The following CAPN15 variants were observed in gnomAD, a reference collection of about 807,000 sequenced individuals.
CAPN15 encodes calpain 15.
Under a neutral mutation model 97.9 loss-of-function variants are expected in CAPN15, and 53 were observed. That is an observed-to-expected ratio of 0.54 (90% CI 0.43 to 0.68). CAPN15 has a LOEUF of 0.68. Among genes scored for constraint, CAPN15 ranks in the 30% least tolerant of loss-of-function variants. The pLI is 0.00. For synonymous variants in CAPN15, 922 were observed against 722.5 expected (o/e 1.28, Z -4.43); for missense variants, 1,592 against 1,589.8 (o/e 1.00, Z -0.02).
Position 552,157 on chromosome 16 carries a change from C to T in CAPN15, c.2452C>T (p.Leu818Phe), listed in dbSNP as rs1305049372. The T allele has an allele frequency of 1.4e-5, 22 of 1,546,516 alleles. No homozygotes were observed. Among genetic ancestry groups the T allele is most frequent in the Non-Finnish European group, 1.8e-5 (21 of 1,145,580 alleles). ...CAGCGCGCCCGTGGGGGTAACAGCG[C>T]TCACGGTGCTGGAGCGGGCCTCGCT... ...SASAPVGVTA[L>F]TVLERASLEF... The change falls in exon 10 of 14, where the codon CTC (leucine) becomes TTC (phenylalanine). Residue 818 changes from leucine to phenylalanine, a missense_variant. Leu to Phe is a conservative substitution (Grantham distance 22, BLOSUM62 0). Around this residue, in one of 3 missense-constraint regions of CAPN15, gnomAD observed 644 missense variants for 699.6 expected, o/e 0.92. Transcript: ENST00000219611. This position sits in a 1 kb window ranked among gnomAD's most constrained non-coding sequence, Gnocchi z 6.4.
rs372459212 is a variant in CAPN15 at position 532,235 on chromosome 16, G to A, written c.-189-1711G>A. On this transcript the variant is annotated intron_variant, in intron 1 of 13. Coordinates refer to ENST00000219611, the MANE Select transcript of CAPN15 (RefSeq NM_005632.3). Reference sequence around the variant, plus strand: ...AGCCTAGGCGACAGAGCTATACTCCGTCTCAAAAAAAAAAAAAAGAAAAAA... The same window carrying A: ...AGCCTAGGCGACAGAGCTATACTCCATCTCAAAAAAAAAAAAAAGAAAAAA... Among the ~76,000 whole-genome samples, 60 of 143,696 alleles carry A rather than the reference G, an allele frequency of 4.2e-4. No homozygotes were observed. The East Asian group carries it at 8.5e-3, about 20-fold the overall frequency. 94.3% of individuals were successfully genotyped at this position (143,696 alleles called of 152,430 possible). A position where few individuals can be genotyped will look rare whatever the true frequency, so the allele number is the denominator to read the frequency against.
Position 535,645 on chromosome 16 carries a change from A to G in CAPN15, c.-136-384A>G, listed in dbSNP as rs1054945323. ...ATCCACACAGCCCGGGGCCCTCCGCACCCTGCCCCTCCAGGGAGCCCAGAG... is the reference window on the plus strand; with the variant it reads ...ATCCACACAGCCCGGGGCCCTCCGCGCCCTGCCCCTCCAGGGAGCCCAGAG... On this transcript the variant is annotated intron_variant, in intron 2 of 13. Transcript: ENST00000219611. This position sits in a 1 kb window ranked among gnomAD's most constrained non-coding sequence, Gnocchi z 6.2. Among the ~76,000 whole-genome samples the G allele has an allele frequency of 3.3e-5, 5 of 151,930 alleles. No homozygotes were observed. Among genetic ancestry groups the G allele is most frequent in the African/African-American group, 9.7e-5 (4 of 41,350 alleles).
intron 9 of CAPN15, 54 bp from the exon 10 acceptor site, chr16:551,997 C>A: frequency 6.6e-7 from 1 of 1,523,848 alleles, no homozygotes; most frequent in Non-Finnish European, 8.9e-7. Context: ...GGCGCTGAGC[C>A]ACGGAGGTGT....
intron 7 of CAPN15, among the ~76,000 whole-genome samples, chr16:551,088 G>GCCCCAGTCGGTGAGGGT (rs2035024001): frequency 2.4e-5 from 3 of 127,230 alleles, no homozygotes; most frequent in East Asian, 4.6e-4. Flanking sequence ...GTCGGTGAGG[G>GCCCCAGTCGGTGAGGGT]CCCCGGTCGG....
Position 547,837 on chromosome 16 carries a change from C to T in CAPN15, c.999C>T (p.Pro333=), listed in dbSNP as rs531692482. 71 of 1,610,974 alleles carry T rather than the reference C, an allele frequency of 4.4e-5. No individual in the cohort carries two copies. The East Asian group carries it at 5.1e-4, about 12-fold the overall frequency. The change falls in exon 4 of 14, where the codon CCC becomes CCT. Residue 333 remains proline, a synonymous_variant. Transcript: ENST00000219611. ...CCGGAGACACCGTGCGTTACACGCCCGCCAGCCCCTCCAGCCCCGACTTCA... is the reference window on the plus strand; with the variant it reads ...CCGGAGACACCGTGCGTTACACGCCTGCCAGCCCCTCCAGCCCCGACTTCA... ...DLAGDTVRYT[P]ASPSSPDFTT... is the part of the protein sequence containing the mutation.
chr16:546,385 C>G (rs932951393), intron 3 of CAPN15, among the ~76,000 whole-genome samples: 2 of 152,232 alleles, frequency 1.3e-5, no homozygotes, highest in Non-Finnish European at 2.9e-5. Context: ...TCAGATCAGC[C>G]TGTGCCTTCC....
intron 3 of CAPN15, chr16:539,307 C>T (rs2033947181): frequency 6.6e-6 from 1 of 152,312 alleles, no homozygotes; most frequent in South Asian, 2.1e-4. Flanking sequence ...GCCGGGACGC[C>T]ATCTTGGCCC....
chr16:536,172 G>A (rs1243685095), intron 3 of CAPN15, 30 bp downstream of exon 3: 2 of 691,730 alleles, frequency 2.9e-6, no homozygotes, highest in South Asian at 6.3e-5. Context: ...GCCTCTGGCT[G>A]GCCGCAGCAG....
intron 3 of CAPN15, chr16:539,468 G>A (rs2033959715): frequency 6.6e-6 from 1 of 152,302 alleles, no homozygotes; most frequent in African/African-American, 2.4e-5. Context: ...AGAAGCACAG[G>A]TGGGCCGCGT....
rs778650503 is a variant in CAPN15, at chr16:547,647, G to T, written c.809G>T (p.Gly270Val). The T allele has an allele frequency of 6.4e-7, 1 of 1,570,396 alleles. No homozygotes were observed. The highest frequency in any genetic ancestry group is 2.3e-5 in the East Asian group (1 of 44,060). ...GCTGCCCAGCCGTCACCCTCTGCCGGCTGCAGGGGAGCCCCCCAGGGCTCG... is the reference window on the plus strand; with the variant it reads ...GCTGCCCAGCCGTCACCCTCTGCCGTCTGCAGGGGAGCCCCCCAGGGCTCG... Reference protein sequence around the residue: ...PEAAQPSPSAGCRGAPQGSGW... With the variant: ...PEAAQPSPSAVCRGAPQGSGW... The change falls in exon 4 of 14, where the codon GGC (glycine) becomes GTC (valine). Residue 270 changes from glycine (G) to valine (V), a missense_variant. Gly to Val is a moderately radical substitution (Grantham distance 109). Coordinates refer to ENST00000219611, the MANE Select transcript of CAPN15 (RefSeq NM_005632.3).
Position 547,801 on chromosome 16 carries a change from C to G in CAPN15, c.963C>G (p.Ile321Met), listed in dbSNP as rs1166270433. 2 of 1,611,936 alleles carry G rather than the reference C, an allele frequency of 1.2e-6. No homozygotes were observed. Among genetic ancestry groups the G allele is most frequent in the Non-Finnish European group, 1.7e-6 (2 of 1,179,676 alleles). ...EAGSSTSGSDIIDLAGDTVRY... is the reference protein window; with the variant it reads ...EAGSSTSGSDMIDLAGDTVRY... Reference sequence around the variant, plus strand: ...GCAGCTCCACCTCGGGCAGTGACATCATTGACCTGGCCGGAGACACCGTGC... The same window carrying G: ...GCAGCTCCACCTCGGGCAGTGACATGATTGACCTGGCCGGAGACACCGTGC... Residue 321 changes from isoleucine (I) to methionine (M), a missense_variant, in exon 4 of 14, where the codon ATC (isoleucine) becomes ATG (methionine). By Grantham distance (10) the Ile-to-Met change is conservative. Coordinates refer to ENST00000219611, the MANE Select transcript of CAPN15 (RefSeq NM_005632.3).
chr16:528,016 G>T lies in CAPN15; in HGVS notation c.-203G>T, dbSNP rs1484285514. On this transcript the variant is annotated 5_prime_UTR_variant, in exon 1 of 14. Transcript: ENST00000219611. ...CGGGCCGCGAGGACGAGGCGGCGCC[G>T]CCGGGCTGTGGAGGTGAGTCCCGTC... The T allele has an allele frequency of 6.9e-6, 1 of 144,616 alleles. No homozygotes were observed. Among genetic ancestry groups the T allele is most frequent in the Non-Finnish European group, 1.5e-5 (1 of 65,018 alleles). 9.0% of individuals were successfully genotyped at this position (144,616 alleles called of 1,614,324 possible). A position where few individuals can be genotyped will look rare whatever the true frequency, so the allele number is the denominator to read the frequency against.
Position 551,677 on chromosome 16 carries a change from TGGGG to T in CAPN15, c.2345+14_2345+17del. 1 of 1,584,354 alleles carries T rather than the reference TGGGG, an allele frequency of 6.3e-7. No individual in the cohort carries two copies. The highest frequency in any genetic ancestry group is 1.7e-5 in the Admixed American group (1 of 59,658). ...GCGACTTTGTCAGGTATCGGCACCG[TGGGG>T]CGGTGTGCACGCCGCCCCCGCCCTC... On this transcript the variant is annotated intron_variant, in intron 9 of 13. Coordinates refer to ENST00000219611, the MANE Select transcript of CAPN15 (RefSeq NM_005632.3).
At chr16:553,078 G>A in intron 13 of CAPN15, 37 bp downstream of exon 13, 2 of 1,114,484 alleles carry the variant, frequency 1.8e-6, no homozygotes, top group South Asian at 3.3e-5. Context: ...CCCTGCACAG[G>A]TGCCCCCTCC....
chr16:538,841 A>C (rs1255464152), intron 3 of CAPN15: 3 of 148,028 alleles, frequency 2.0e-5, no homozygotes, highest in South Asian at 2.2e-4. Context: ...GCTGCTCCCC[A>C]TCGTCGCGGG....
chr16:544,958 A>C lies in CAPN15; in HGVS notation c.-22-1859A>C, dbSNP rs541537383. ...CTCCCTTCGAAGGTAACCATCCTGC[A>C]GTAGTGAGGGCTCCTTGCTGAGCAC... is the stretch of plus-strand genomic sequence containing the variant. On this transcript the variant is annotated intron_variant, in intron 3 of 13. Coordinates refer to ENST00000219611, the MANE Select transcript of CAPN15 (RefSeq NM_005632.3). Among the ~76,000 whole-genome samples, 6 of 136,334 alleles carry C rather than the reference A, an allele frequency of 4.4e-5. No homozygotes were observed. The South Asian group carries it at 1.1e-3, about 25-fold the overall frequency. 89.4% of individuals were successfully genotyped at this position (136,334 alleles called of 152,430 possible).
In CAPN15 at chr16:547,027, C is replaced by G; in HGVS notation, c.189C>G (p.Ala63=). ...CTFRNFLGKE[A]CEVCGFTPEP... The stretch of plus-strand genomic sequence containing the variant: ...TCCGCAACTTCCTGGGCAAGGAGGC[C>G]TGCGAGGTGTGCGGCTTCACCCCGG... The change falls in exon 4 of 14, where the codon GCC becomes GCG. Residue 63 remains alanine (A), a synonymous_variant. Coordinates refer to ENST00000219611, the MANE Select transcript of CAPN15 (RefSeq NM_005632.3). 6.2e-7 allele frequency: 1 copy of G among 1,609,742 alleles called. No homozygotes were observed. The highest frequency in any genetic ancestry group is 1.1e-5 in the South Asian group (1 of 91,004).
chr16:540,697 T>C (rs567165274), intron 3 of CAPN15, among the ~76,000 whole-genome samples: 63 of 152,294 alleles, frequency 4.1e-4, no homozygotes, highest in African/African-American at 1.5e-3. Context: ...TCTGGGCATA[T>C]TGCCTGCTGC....
chr16:554,546 A>T lies in CAPN15; in HGVS notation c.*1030A>T. ...TTGTGACACAGAGACTATTTTATCA[A>T]TTGTCAGTCCCGTTCCTTTACCATA... On this transcript the variant is annotated 3_prime_UTR_variant, in exon 14 of 14. Transcript: ENST00000219611. The T allele has an allele frequency of 2.2e-6, 1 of 456,202 alleles. No homozygotes were observed. Among genetic ancestry groups the T allele is most frequent in the Non-Finnish European group, 4.4e-6 (1 of 226,744 alleles). The allele number at this position is 456,202 out of a possible 1,614,324, so 28.3% of individuals were successfully genotyped here. A position where few individuals can be genotyped will look rare whatever the true frequency, so the allele number is the denominator to read the frequency against.
Sources: allele counts gnomAD v4.1 joint callset (sites outside exome capture counted in the v4.1 genomes callset), GRCh38; gene constraint gnomAD v4.1.1; regional missense constraint gnomAD v4.1.1; non-coding constraint Gnocchi (gnomAD v3.1); transcripts MANE v1.5; gene names NCBI Gene and HGNC (gene_info 2026-07-23, HGNC 2026-07-21).